Variants in ZNF536 observed in about 807,000 individuals in gnomAD.
The protein encoded by ZNF536 is zinc finger protein 536.
A neutral mutation model predicts 84.5 loss-of-function variants in ZNF536; 13 were observed. The observed-to-expected ratio is 0.15, with a 90% CI of 0.10 to 0.24. ZNF536 has a LOEUF of 0.24. Among genes scored for constraint, ZNF536 ranks in the 10% least tolerant of loss-of-function variants. The pLI, the probability that ZNF536 is intolerant of heterozygous loss-of-function variation, is 1.00. For missense variants in ZNF536, 1,536 were observed against 1,747.5 expected, an observed-to-expected ratio of 0.88 and a Z score of 2.16; for synonymous variants, 811 against 742.5, an observed-to-expected ratio of 1.09 and a Z score of -1.50.
intron 1 of ZNF536, among the ~76,000 whole-genome samples, chr19:30,254,834 C>G (rs2024825795): frequency 6.6e-6 from 1 of 152,262 alleles, no homozygotes; most frequent in African/African-American, 2.4e-5. Flanking sequence ...ATCAGCTGAG[C>G]CGAAAGCCTG....
At chr19:30,407,535 T>C (rs1439360364) in intron 1 of ZNF536, among the ~76,000 whole-genome samples, 1 of 152,134 alleles carries the variant, frequency 6.6e-6, no homozygotes, top group Non-Finnish European at 1.5e-5. Context: ...CAGACGACAG[T>C]CACAAGCCGG....
chr19:30,619,129 A>T (rs1568608516), intron 1 of ZNF536, among the ~76,000 whole-genome samples: 1 of 152,142 alleles, frequency 6.6e-6, no homozygotes, highest in East Asian at 1.9e-4. Flanking sequence ...TTTTTGTGTG[A>T]CTTTTCAAAT....
chr19:30,274,072 T>C (rs542875916), intron 1 of ZNF536, among the ~76,000 whole-genome samples: 25 of 152,298 alleles, frequency 1.6e-4, no homozygotes, highest in African/African-American at 6.0e-4. Flanking sequence ...AAGTAAAAAG[T>C]AAATGAGATT....
At chr19:30,576,162 G>A (rs1267742769) in intron 1 of ZNF536, among the ~76,000 whole-genome samples, 2 of 152,244 alleles carry the variant, frequency 1.3e-5, no homozygotes, top group African/African-American at 4.8e-5. Flanking sequence ...AGGAAGGAAA[G>A]CCTCTGCAGA....
At chr19:30,635,518 G>A (rs996330135) in intron 1 of ZNF536, among the ~76,000 whole-genome samples, 3 of 152,154 alleles carry the variant, frequency 2.0e-5, no homozygotes, top group Admixed American at 6.5e-5. Context: ...CACCCTGTGC[G>A]GATCCTCGGC....
chr19:30,253,572 G>GT (rs995340694), intron 1 of ZNF536, among the ~76,000 whole-genome samples: 1 of 152,180 alleles, frequency 6.6e-6, no homozygotes, highest in East Asian at 1.9e-4. Flanking sequence ...GTTTTGATTT[G>GT]TTTTTCCCAG....
At chr19:30,402,180 A>G (rs1221377709) in intron 1 of ZNF536, among the ~76,000 whole-genome samples, 3 of 151,928 alleles carry the variant, frequency 2.0e-5, no homozygotes, top group African/African-American at 7.3e-5. Context: ...AGTGTAAAGA[A>G]CCTTCTTTAA....
intron 1 of ZNF536, among the ~76,000 whole-genome samples, chr19:30,618,722 C>T (rs1448050488): frequency 6.6e-6 from 1 of 152,084 alleles, no homozygotes; most frequent in Non-Finnish European, 1.5e-5. Flanking sequence ...ATAATACTCT[C>T]AAATCTTTTT....
chr19:30,694,501 C>G (rs2051569171), intron 1 of ZNF536, among the ~76,000 whole-genome samples: 3 of 152,200 alleles, frequency 2.0e-5, no homozygotes, highest in Admixed American at 1.3e-4. Context: ...AGGCGCCTGG[C>G]TGGTGATGCC....
At chr19:30,711,542 T>C (rs1424040147) in exon 2 of ZNF536, 2 of 152,118 alleles carry the variant, frequency 1.3e-5, no homozygotes, top group African/African-American at 4.8e-5. Flanking sequence ...TCACGTGGTG[T>C]TGTAACTGCA....
Position 30,344,371 on chromosome 19 carries a change from C to T in ZNF536, c.-119-7997C>T, listed in dbSNP as rs150253816. ...AGGAAAATCACTTGAACCCGGGAGG[C>T]GGAGGTTGTAGAGAGCAGAGATCAC... is the stretch of plus-strand genomic sequence containing the variant. On this transcript the variant is annotated intron_variant, in intron 2 of 5. Transcript: ENST00000585628. Among the ~76,000 whole-genome samples, 1,685 of 119,528 alleles carry T rather than the reference C, an allele frequency of 0.014. 135 individuals are homozygous for T. In the East Asian group the frequency reaches 0.26, roughly 18 times the overall value. The allele number at this position is 119,528 out of a possible 152,430, so 78.4% of individuals were successfully genotyped here.
At chr19:30,383,784 C>G (rs1209636581) in intron 1 of ZNF536, among the ~76,000 whole-genome samples, 14 of 133,774 alleles carry the variant, frequency 1.0e-4, no homozygotes, top group African/African-American at 3.9e-4. Context: ...TTCTTTCTTT[C>G]TTTCTTTTCT....
At chr19:30,543,471 G>A (rs932965598) in intron 3 of ZNF536, among the ~76,000 whole-genome samples, 1 of 152,212 alleles carries the variant, frequency 6.6e-6, no homozygotes, top group African/African-American at 2.4e-5. Flanking sequence ...CTGAGTCTCA[G>A]GCAGAGTCCA....
chr19:30,673,528 A>G (rs1237243090), intron 1 of ZNF536, among the ~76,000 whole-genome samples: 2 of 152,156 alleles, frequency 1.3e-5, no homozygotes, highest in Admixed American at 1.3e-4. Context: ...TGGCACATAC[A>G]TCGCCCGCAC....
chr19:30,461,230 C>A (rs1056423581), intron 2 of ZNF536, among the ~76,000 whole-genome samples: 29 of 152,170 alleles, frequency 1.9e-4, no homozygotes, highest in African/African-American at 6.8e-4. Flanking sequence ...AGTTGTAAGG[C>A]TAGAAGTGGC....
rs190522139 is a variant in ZNF536, at chr19:30,579,234, G to A, written c.169+29720G>A. Among the ~76,000 whole-genome samples, 137 of 152,298 alleles carry A rather than the reference G, an allele frequency of 9.0e-4. 1 individual carries two copies. Among genetic ancestry groups the A allele is most frequent in the African/African-American group, 2.9e-3 (122 of 41,568 alleles). ...TTGCACCTGATCGAATGACTAATGGGTTTTCCATGACAGCTATAGCAGTTA... is the reference window on the plus strand; with the variant it reads ...TTGCACCTGATCGAATGACTAATGGATTTTCCATGACAGCTATAGCAGTTA... On this transcript the variant is annotated intron_variant, in intron 1 of 1. Transcript: ENST00000592773.
intron 1 of ZNF536, among the ~76,000 whole-genome samples, chr19:30,692,772 A>G (rs71350825): frequency 0.12 from 18,391 of 152,198 alleles, 1,291 homozygotes; most frequent in East Asian, 0.34. Flanking sequence ...CACGCTGCAC[A>G]CTAGGAAGAG....
At chr19:30,505,863 G>A (rs1250569711) in intron 2 of ZNF536, among the ~76,000 whole-genome samples, 1 of 151,848 alleles carries the variant, frequency 6.6e-6, no homozygotes, top group African/African-American at 2.4e-5. Flanking sequence ...ATGGGGTTTT[G>A]CCACGTTGGT....
At chr19:30,486,934 T>G (rs9916966) in intron 2 of ZNF536, among the ~76,000 whole-genome samples, 36,363 of 152,152 alleles carry the variant, frequency 0.24, 7,359 homozygotes, top group African/African-American at 0.54. Flanking sequence ...AGGAACACAG[T>G]TCATCTGCTC....
Sources: allele counts gnomAD v4.1 joint callset (sites outside exome capture counted in the v4.1 genomes callset), GRCh38; gene constraint gnomAD v4.1.1; transcripts MANE v1.5; gene names NCBI Gene and HGNC (gene_info 2026-07-23, HGNC 2026-07-21).